The following RTL4 variants were observed in gnomAD, a reference collection of about 807,000 sequenced individuals.
The protein encoded by RTL4 is retrotransposon Gag like 4, also known as retrotransposon Gag-like protein 4.
In RTL4, 4 loss-of-function variants were observed where a neutral mutation model predicts 5.3. The observed-to-expected ratio is 0.75, with a 90% CI of 0.37 to 1.72. The LOEUF is 1.72. RTL4 is among the 40% of genes most tolerant of loss of function. The pLI, the probability that RTL4 is intolerant of heterozygous loss-of-function variation, is 0.04. For missense variants in RTL4, 260 were observed against 227.1 expected, an observed-to-expected ratio of 1.14 and a Z score of -0.93; for synonymous variants, 98 against 87.3, an observed-to-expected ratio of 1.12 and a Z score of -0.68.
At chrX:112,150,783 G>T in the RTL4 span, among the ~76,000 whole-genome samples, 1 of 112,208 alleles carries the variant, frequency 8.9e-6, no homozygotes, top group Non-Finnish European at 1.9e-5. Context: ...AGATCAGCCA[G>T]GGTTTTTGCT....
the RTL4 span, among the ~76,000 whole-genome samples, chrX:112,156,952 G>T: frequency 9.0e-6 from 1 of 110,850 alleles, no homozygotes; most frequent in Non-Finnish European, 1.9e-5. Context: ...AAAACAAATT[G>T]ATTGCTCCAA....
the RTL4 span, among the ~76,000 whole-genome samples, chrX:112,236,476 GATATAGATCTATATCTAT>G: frequency 3.3e-4 from 25 of 75,273 alleles, no homozygotes; most frequent in African/African-American, 1.4e-3. Context: ...TCTATATATA[GATATAGATCTATATCTAT>G]ATATAGATAT....
the RTL4 span, among the ~76,000 whole-genome samples, chrX:112,161,482 C>A: frequency 8.9e-6 from 1 of 111,823 alleles, no homozygotes; most frequent in South Asian, 3.7e-4. Flanking sequence ...CTTCAAAATG[C>A]AAATATCTCT....
the RTL4 span, among the ~76,000 whole-genome samples, chrX:112,161,844 C>CCTTCCTTCCTTCCTTTCTTTCTTT: frequency 1.7e-4 from 7 of 40,065 alleles, no homozygotes; most frequent in African/African-American, 8.2e-4. Flanking sequence ...TTCCTTCCTT[C>CCTTCCTTCCTTCCTTTCTTTCTTT]CTTTCTTTCT....
chrX:112,382,041 C>T, the RTL4 span: 8 of 1,206,945 alleles, frequency 6.6e-6, no homozygotes, highest in African/African-American at 1.8e-5. Context: ...CAGAAACTAA[C>T]GGCTACTCAA....
the RTL4 span, among the ~76,000 whole-genome samples, chrX:112,323,735 C>A: frequency 9.0e-6 from 1 of 111,365 alleles, no homozygotes; most frequent in Admixed American, 9.6e-5. Context: ...AGCGATCTAT[C>A]TGTCTCAGCA....
the RTL4 span, among the ~76,000 whole-genome samples, chrX:112,335,772 A>C: frequency 1.8e-5 from 2 of 110,464 alleles, no homozygotes; most frequent in East Asian, 5.6e-4. Context: ...TATTTCTAAT[A>C]GTGTTAAATT....
the RTL4 span, among the ~76,000 whole-genome samples, chrX:112,086,844 T>C: frequency 8.9e-6 from 1 of 112,268 alleles, no homozygotes; most frequent in South Asian, 3.7e-4. Flanking sequence ...GACGAATGAC[T>C]GTAATTGAAA....
the RTL4 span, among the ~76,000 whole-genome samples, chrX:112,399,614 T>G: frequency 2.7e-5 from 3 of 111,561 alleles, no homozygotes; most frequent in Non-Finnish European, 5.7e-5. Context: ...TTTTTTTTCT[T>G]CAAACAGTTG....
chrX:112,408,534 G>C, the RTL4 span, among the ~76,000 whole-genome samples: 5 of 109,680 alleles, frequency 4.6e-5, no homozygotes, highest in African/African-American at 1.7e-4. Flanking sequence ...TCTCAAAAGG[G>C]CAAATATAAA....
chrX:112,091,588 A>G, the RTL4 span, among the ~76,000 whole-genome samples: 1 of 111,881 alleles, frequency 8.9e-6, no homozygotes. Context: ...GCTTTACTTC[A>G]TCATGGTCAG....
At chrX:112,091,768 C>T in the RTL4 span, among the ~76,000 whole-genome samples, 36 of 110,469 alleles carry the variant, frequency 3.3e-4, no homozygotes, top group African/African-American at 9.8e-4. Context: ...TAGCTTTCTC[C>T]GAGTCTTCTA....
At chrX:112,417,271 G>A in the RTL4 span, among the ~76,000 whole-genome samples, 2 of 111,849 alleles carry the variant, frequency 1.8e-5, no homozygotes, top group Non-Finnish European at 3.8e-5. Flanking sequence ...TGCCCGTCAA[G>A]AAGCTACCCA....
chrX:112,456,474 G>A (rs1277976807), exon 1 of RTL4: 3 of 304,704 alleles, frequency 9.8e-6, no homozygotes, highest in African/African-American at 8.2e-5. Flanking sequence ...CCTACTTGAG[G>A]TTCCAGCATG....
chrX:112,108,027 G>A, the RTL4 span, among the ~76,000 whole-genome samples: 2 of 109,980 alleles, frequency 1.8e-5, no homozygotes, highest in Non-Finnish European at 3.8e-5. Flanking sequence ...TTATCTTAAT[G>A]TGTATTTTCA....
chrX:112,329,307 T>C, the RTL4 span, among the ~76,000 whole-genome samples: 6 of 110,340 alleles, frequency 5.4e-5, no homozygotes, highest in African/African-American at 2.0e-4. Context: ...ATAGATGCAA[T>C]AAAAAATGAT....
the RTL4 span, among the ~76,000 whole-genome samples, chrX:112,248,926 A>G: frequency 8.9e-6 from 1 of 112,251 alleles, no homozygotes; most frequent in Non-Finnish European, 1.9e-5. Flanking sequence ...GTACTAGAAA[A>G]CGAGATAAAA....
chrX:112,372,991 G>A, the RTL4 span, among the ~76,000 whole-genome samples: 4 of 111,211 alleles, frequency 3.6e-5, no homozygotes, highest in Non-Finnish European at 7.6e-5. Flanking sequence ...CTCTCTGACA[G>A]GCTCAAGAAA....
chrX:112,307,871 C>T, the RTL4 span, among the ~76,000 whole-genome samples: 1 of 111,518 alleles, frequency 9.0e-6, no homozygotes, highest in Non-Finnish European at 1.9e-5. Context: ...TTTCTACTTC[C>T]TCATCATCAC....
Sources: allele counts gnomAD v4.1 joint callset (sites outside exome capture counted in the v4.1 genomes callset), GRCh38; gene constraint gnomAD v4.1.1; transcripts MANE v1.5; gene names NCBI Gene and HGNC (gene_info 2026-07-23, HGNC 2026-07-21).